The following PRSS22 variants were observed in gnomAD, a reference collection of about 807,000 sequenced individuals.
PRSS22 encodes brain-specific serine protease 4.
PRSS22 carries 26 observed loss-of-function variants against 28.0 expected under a neutral mutation model. That is an observed-to-expected ratio of 0.93 (90% CI 0.68 to 1.29). PRSS22 has a LOEUF of 1.29. Among genes scored for constraint, PRSS22 ranks in the 50% most tolerant of loss-of-function variants. PRSS22 has a pLI of 0.00. For missense variants in PRSS22, 444 were observed against 422.1 expected (o/e 1.05, Z -0.46); for synonymous variants, 217 against 177.9 (o/e 1.22, Z -1.75).
rs748882547 is a variant in PRSS22 at position 2,853,210 on chromosome 16, A to C, written c.837T>G (p.Ser279=). The C allele has an allele frequency of 3.7e-6, 6 of 1,600,356 alleles. No homozygotes were observed. In the African/African-American group the frequency reaches 6.7e-5, roughly 18 times the overall value. Residue 279 remains serine (S), a synonymous_variant, in exon 6 of 6, where the codon TCT becomes TCG. Coordinates refer to ENST00000161006, the MANE Select transcript of PRSS22 (RefSeq NM_022119.4). The surrounding 1 kb of genome is among the most constrained non-coding windows in gnomAD (Gnocchi z 4.6). ...RNRPGVYISL[S]AHRSWVEKIV... Reference sequence around the variant, plus strand: ...TCTTCTCCACCCAGGAGCGGTGCGCAGAGAGGCTGATGTAGACCCCGGGCC... The same window carrying C: ...TCTTCTCCACCCAGGAGCGGTGCGCCGAGAGGCTGATGTAGACCCCGGGCC...
At position 2,858,013 on chromosome 16, in the gene PRSS22, C is replaced by G. The variant is rs2069479625; in HGVS notation, c.82+10G>C. ...GAGAGGGAGGAGGGAGGAGCAGCCTCCGGACGTACCTGTCGACGCCAGCAG... is the reference window on the plus strand; with the variant it reads ...GAGAGGGAGGAGGGAGGAGCAGCCTGCGGACGTACCTGTCGACGCCAGCAG... On this transcript the variant is annotated intron_variant, in intron 1 of 5. Transcript: ENST00000161006. 1 of 1,273,248 alleles carries G rather than the reference C, an allele frequency of 7.9e-7. No homozygotes were observed. Among genetic ancestry groups the G allele is most frequent in the African/African-American group, 1.5e-5 (1 of 64,762 alleles). The allele number at this position is 1,273,248 out of a possible 1,614,324, so 78.9% of individuals were successfully genotyped here.
At position 2,856,214 on chromosome 16, in the gene PRSS22, A is replaced by G; in HGVS notation, c.149T>C (p.Val50Ala). 6.2e-7 allele frequency: 1 copy of G among 1,613,612 alleles called. No homozygotes were observed. Among genetic ancestry groups the G allele is most frequent in the Non-Finnish European group, 8.5e-7 (1 of 1,179,914 alleles). Reference sequence around the variant, plus strand: ...GTCAGTGCTGTCCTCGCCGCCCACAACCCGGTTCAGCTGCTGGGGCTTCCC... The same window carrying G: ...GTCAGTGCTGTCCTCGCCGCCCACAGCCCGGTTCAGCTGCTGGGGCTTCCC... The part of the protein sequence containing the change: ...ACGKPQQLNR[V>A]VGGEDSTDSE... The change falls in exon 3 of 6, where the codon GTT becomes GCT. Residue 50 changes from valine to alanine, a missense_variant. Physicochemically the swap from Val to Ala is moderately conservative, Grantham distance 64. Coordinates refer to ENST00000161006, the MANE Select transcript of PRSS22 (RefSeq NM_022119.4).
intron 2 of PRSS22, among the ~76,000 whole-genome samples, 164 bp from the exon 3 acceptor site, chr16:2,856,417 C>G (rs116604941): frequency 0.011 from 1,623 of 152,028 alleles, 29 homozygotes; most frequent in African/African-American, 0.036. Context: ...AAGCTCCACC[C>G]ACACCCCAAG....
chr16:2,854,086 C>A, intron 4 of PRSS22, 64 bp from the exon 5 acceptor site: 2 of 1,568,972 alleles, frequency 1.3e-6, no homozygotes, highest in Non-Finnish European at 1.7e-6. Flanking sequence ...CCTCAAAGGA[C>A]TATTCCCCCC....
At chr16:2,855,533 C>T (rs747539700) in intron 4 of PRSS22, 41 bp downstream of exon 4, 1 of 1,608,714 alleles carries the variant, frequency 6.2e-7, no homozygotes, top group South Asian at 1.1e-5. Flanking sequence ...ATCCTCTGTC[C>T]CCATCTGCCC....
At chr16:2,857,771 G>A (rs1479655588) in intron 1 of PRSS22, 1 of 367,032 alleles carries the variant, frequency 2.7e-6, no homozygotes, top group African/African-American at 2.1e-5. Flanking sequence ...ACGGAGGCGA[G>A]AGGGAGCAGG....
chr16:2,854,317 C>T (rs2069435052), intron 4 of PRSS22: 1 of 339,906 alleles, frequency 2.9e-6, no homozygotes, highest in Non-Finnish European at 5.5e-6. Flanking sequence ...TTACTTCATC[C>T]AGCACTGGGA....
At chr16:2,856,710 C>G (rs117946652) in intron 2 of PRSS22, 112 bp downstream of exon 2, 1 of 1,284,568 alleles carries the variant, frequency 7.8e-7, no homozygotes, top group Admixed American at 2.0e-5. Context: ...GCTCTTTCCC[C>G]CTCTCACCCC....
At position 2,855,814 on chromosome 16, in the gene PRSS22, C is replaced by G; in HGVS notation, c.319G>C (p.Gly107Arg). The change falls in exon 4 of 6, where the codon GGG becomes CGG. Residue 107 changes from glycine (G) to arginine (R), a missense_variant. By Grantham distance (125) the Gly-to-Arg change is moderately radical. Transcript: ENST00000161006. ...CCAGGGTTCCCCAGCTGCCAGGCCC[C>G]CAGCAGCACAGAGAACAGGTATGGT... is the stretch of plus-strand genomic sequence containing the variant. ...NKPYLFSVLLGAWQLGNPGSR... is the reference protein window; with the variant it reads ...NKPYLFSVLLRAWQLGNPGSR... The G allele has an allele frequency of 1.2e-6, 2 of 1,613,678 alleles. No homozygotes were observed. The highest frequency in any genetic ancestry group is 2.2e-5 in the South Asian group (2 of 91,070).
chr16:2,855,165 C>A (rs1261454891), intron 4 of PRSS22, among the ~76,000 whole-genome samples: 1 of 151,608 alleles, frequency 6.6e-6, no homozygotes, highest in Non-Finnish European at 1.5e-5. Flanking sequence ...CCAGCCAACA[C>A]AGAAAAACCC....
rs748109853 is a variant in PRSS22, at chr16:2,853,865, C to A, written c.717G>T (p.Leu239=). 6.2e-7 allele frequency: 1 copy of A among 1,613,840 alleles called. No individual in the cohort carries two copies. Among genetic ancestry groups the A allele is most frequent in the Non-Finnish European group, 8.5e-7 (1 of 1,180,006 alleles). Residue 239 remains leucine (L), a splice_region_variant and synonymous_variant, in exon 5 of 6, where the codon CTG becomes CTT. Coordinates refer to ENST00000161006, the MANE Select transcript of PRSS22 (RefSeq NM_022119.4). This position sits in a 1 kb window ranked among gnomAD's most constrained non-coding sequence, Gnocchi z 4.6. ...GGGTGGGGGGCTCGAGGGAGCTCACCAGACAAGCATCCCGCTCCCCCTCCA... is the reference window on the plus strand; with the variant it reads ...GGGTGGGGGGCTCGAGGGAGCTCACAAGACAAGCATCCCGCTCCCCCTCCA... ...GYLEGERDAC[L]GDSGGPLMCQ...
At chr16:2,854,455 G>A (rs1443026844) in intron 4 of PRSS22, 1 of 174,348 alleles carries the variant, frequency 5.7e-6, no homozygotes, top group Admixed American at 5.5e-5. Flanking sequence ...CTGAAAGTCC[G>A]CGATTCTAGC....
chr16:2,857,916 G>A (rs1276539864), intron 1 of PRSS22, 107 bp downstream of exon 1: 6 of 780,142 alleles, frequency 7.7e-6, no homozygotes, highest in Non-Finnish European at 1.0e-5. Flanking sequence ...GAGCAGAAGC[G>A]GAAAGGAGAT....
Position 2,856,107 on chromosome 16 carries a change from T to C in PRSS22, c.256A>G (p.Ile86Val), listed in dbSNP as rs770937406. Residue 86 changes from isoleucine to valine, a missense_variant, in exon 3 of 6, where the codon ATC becomes GTC. Coordinates refer to ENST00000161006, the MANE Select transcript of PRSS22 (RefSeq NM_022119.4). ...TCCTTGAAACAGTGGGCAGCAGTGA[T>C]CACCCAGCGGCTGGTGAGCAGAGAA... ...AGSLLTSRWV[I>V]TAAHCFKDNL... is the part of the protein sequence containing the mutation. 1.2e-6 allele frequency: 2 copies of C among 1,613,892 alleles called. No individual in the cohort carries two copies. Among genetic ancestry groups the C allele is most frequent in the Non-Finnish European group, 1.7e-6 (2 of 1,179,948 alleles).
At position 2,852,844 on chromosome 16, in the gene PRSS22, C is replaced by CG; in HGVS notation, c.*248dup. On this transcript the variant is annotated 3_prime_UTR_variant, in exon 6 of 6. Transcript: ENST00000161006. ...TACACAAAAGCGCTGGGGCCCGGGGCGGGGCCGGAAGTCGTGGGGGCGGGG... is the reference window on the plus strand; with the variant it reads ...TACACAAAAGCGCTGGGGCCCGGGGCGGGGGCCGGAAGTCGTGGGGGCGGGG... 2.3e-6 allele frequency: 1 copy of CG among 429,860 alleles called. No individual in the cohort carries two copies. Among genetic ancestry groups the CG allele is most frequent in the Non-Finnish European group, 3.9e-6 (1 of 258,778 alleles). 26.6% of individuals were successfully genotyped at this position (429,860 alleles called of 1,614,324 possible).
Position 2,853,427 on chromosome 16 carries a change from G to C in PRSS22, c.718-98C>G. ...AGGGGGCAGATGAGCCCCTTCCCGGGAGCCCGTTTCTCCTTCCTGGAGGAG... is the reference window on the plus strand; with the variant it reads ...AGGGGGCAGATGAGCCCCTTCCCGGCAGCCCGTTTCTCCTTCCTGGAGGAG... On this transcript the variant is annotated intron_variant, in intron 5 of 5. Transcript: ENST00000161006. This position sits in a 1 kb window ranked among gnomAD's most constrained non-coding sequence, Gnocchi z 4.6. 4 of 1,010,012 alleles carry C rather than the reference G, an allele frequency of 4.0e-6. No individual in the cohort carries two copies. In the South Asian group the frequency reaches 4.8e-5, roughly 12 times the overall value. 62.6% of individuals were successfully genotyped at this position (1,010,012 alleles called of 1,614,324 possible).
chr16:2,855,802 G>C lies in PRSS22; in HGVS notation c.331C>G (p.Leu111Val). 1 of 1,613,866 alleles carries C rather than the reference G, an allele frequency of 6.2e-7. No homozygotes were observed. The highest frequency in any genetic ancestry group is 2.2e-5 in the East Asian group (1 of 44,884). Residue 111 changes from leucine (L) to valine (V), a missense_variant, in exon 4 of 6, where the codon CTG (leucine) becomes GTG (valine). By Grantham distance (32) the Leu-to-Val change is conservative. Coordinates refer to ENST00000161006, the MANE Select transcript of PRSS22 (RefSeq NM_022119.4). ...TGGGACCGAGAGCCAGGGTTCCCCA[G>C]CTGCCAGGCCCCCAGCAGCACAGAG... ...LFSVLLGAWQ[L>V]GNPGSRSQKV...
rs1200138954 is a variant in PRSS22, at chr16:2,853,691, A to T, written c.717+174T>A. On this transcript the variant is annotated intron_variant, in intron 5 of 5. Transcript: ENST00000161006. This position sits in a 1 kb window ranked among gnomAD's most constrained non-coding sequence, Gnocchi z 4.6. The stretch of plus-strand genomic sequence containing the variant: ...GCCCAGTTTAATGTCTGAACAAATA[A>T]GTGAGTGGCTGAGCCAGGCTGAGGC... Among the ~76,000 whole-genome samples the T allele has an allele frequency of 1.3e-5, 2 of 152,196 alleles. No individual in the cohort carries two copies. The highest frequency in any genetic ancestry group is 2.9e-5 in the Non-Finnish European group (2 of 68,022).
intron 2 of PRSS22, 51 bp from the exon 3 acceptor site, chr16:2,856,304 C>G (rs766732353): frequency 1.9e-6 from 3 of 1,593,560 alleles, no homozygotes; most frequent in East Asian, 2.2e-5. Context: ...CAACCCACCC[C>G]CGGAATCCCA....
Sources: gnomAD v4.1 joint callset for allele counts (sites outside exome capture counted in the v4.1 genomes callset) on GRCh38, gnomAD v4.1.1 for gene constraint, Gnocchi (gnomAD v3.1) non-coding constraint, MANE v1.5 for transcripts, NCBI Gene and HGNC (gene_info 2026-07-23, HGNC 2026-07-21) for gene names.